The following SLC7A6OS variants were observed in gnomAD, a reference collection of about 807,000 sequenced individuals.
The protein encoded by SLC7A6OS is solute carrier family 7 member 6 opposite strand, also known as probable RNA polymerase II nuclear localization protein SLC7A6OS.
A neutral mutation model predicts 34.3 loss-of-function variants in SLC7A6OS; 22 were observed. That is an observed-to-expected ratio of 0.64 (90% CI 0.46 to 0.92). The LOEUF (loss-of-function observed/expected upper bound fraction) is 0.92. SLC7A6OS is among the 40% of genes least tolerant of loss of function. SLC7A6OS has a pLI of 0.00. For synonymous variants in SLC7A6OS, 199 were observed against 165.0 expected (o/e 1.21, Z -1.58); for missense variants, 434 against 407.7 (o/e 1.06, Z -0.56).
chr16:68,301,601 C>T (rs1164065720), intron 4 of SLC7A6OS, 196 bp from the exon 5 acceptor site: 4 of 439,796 alleles, frequency 9.1e-6, no homozygotes, highest in Non-Finnish European at 1.6e-5. Flanking sequence ...CAAGTTCCTT[C>T]ACACTGGAGT....
At position 68,310,668 on chromosome 16, in the gene SLC7A6OS, A is replaced by AGGGATCG. The variant is rs1242255915; in HGVS notation, c.192+60_193-56dup. The AGGGATCG allele has an allele frequency of 9.6e-5, 151 of 1,580,834 alleles. No homozygotes were observed. In the Admixed American group the frequency reaches 2.4e-3, roughly 26 times the overall value. On this transcript the variant is annotated intron_variant, in intron 1 of 4. Coordinates refer to ENST00000263997, the MANE Select transcript of SLC7A6OS (RefSeq NM_032178.3). ...GTAAGCAGGAGTTCGCGAGCGGGTC[A>AGGGATCG]GGGATCGGGTTTCGTACCGGCTGCA...
intron 2 of SLC7A6OS, among the ~76,000 whole-genome samples, chr16:68,308,393 CG>C (rs1254348340): frequency 6.8e-6 from 1 of 146,582 alleles, no homozygotes; most frequent in Non-Finnish European, 1.5e-5. Flanking sequence ...TTTGGGAGGC[CG>C]ATGCGGGTGG....
At chr16:68,310,125 C>A (rs1277539929) in intron 2 of SLC7A6OS, among the ~76,000 whole-genome samples, 1 of 152,092 alleles carries the variant, frequency 6.6e-6, no homozygotes, top group Non-Finnish European at 1.5e-5. Context: ...TAGGTCCTCA[C>A]TGCTGTATCC....
Position 68,299,424 on chromosome 16 carries a change from C to CCT in SLC7A6OS, c.*1849_*1850dup, listed in dbSNP as rs572957881. 2 of 152,574 alleles carry CCT rather than the reference C, an allele frequency of 1.3e-5. No homozygotes were observed. The highest frequency in any genetic ancestry group is 6.5e-5 in the Admixed American group (1 of 15,272). 9.5% of individuals were successfully genotyped at this position (152,574 alleles called of 1,614,324 possible). A position where few individuals can be genotyped will look rare whatever the true frequency, so the allele number is the denominator to read the frequency against. On this transcript the variant is annotated 3_prime_UTR_variant, in exon 5 of 5. Transcript: ENST00000263997. The stretch of plus-strand genomic sequence containing the variant: ...TTTTGGATGGTGACAGCATTTTTCC[C>CCT]CTCTGTGCTGGATACAGACTTCTCC...
intron 4 of SLC7A6OS, 72 bp from the exon 5 acceptor site, chr16:68,301,477 CAGAA>C (rs2043274591): frequency 1.4e-6 from 2 of 1,397,108 alleles, no homozygotes; most frequent in Admixed American, 1.9e-5. Context: ...CTTCTCTTCT[CAGAA>C]AGGTCTGTTT....
rs2043453065 is a variant in SLC7A6OS, at chr16:68,310,390, A to G, written c.416T>C (p.Leu139Ser). 6.2e-7 allele frequency: 1 copy of G among 1,612,464 alleles called. No homozygotes were observed. Among genetic ancestry groups the G allele is most frequent in the African/African-American group, 1.3e-5 (1 of 74,914 alleles). ...TTCTCCCTCCTCGTGGACAAGGTCT[A>G]ACAACTGAAAGCCCGAGTTCCCGGC... Reference protein sequence around the residue: ...EAAGNSGFQLLDLVHEEGEPE... With the variant: ...EAAGNSGFQLSDLVHEEGEPE... Residue 139 changes from leucine (L) to serine (S), a missense_variant, in exon 2 of 5, where the codon TTA (leucine) becomes TCA (serine). Leu to Ser is a moderately radical substitution (Grantham distance 145). Transcript: ENST00000263997.
At position 68,304,303 on chromosome 16, in the gene SLC7A6OS, G is replaced by A. The variant is rs914520186; in HGVS notation, c.472-71C>T. 2.8e-6 allele frequency: 4 copies of A among 1,409,918 alleles called. No homozygotes were observed. In the African/African-American group the frequency reaches 5.7e-5, roughly 20 times the overall value. The allele number at this position is 1,409,918 out of a possible 1,614,324, so 87.3% of individuals were successfully genotyped here. On this transcript the variant is annotated intron_variant, in intron 2 of 4. Transcript: ENST00000263997. The stretch of plus-strand genomic sequence containing the variant: ...TGATGTTCCAAGAGGAGGAACCTAT[G>A]AGTTGGGTGAAGGAAGGCTCCCTAC...
At chr16:68,303,201 T>C (rs1597021175) in intron 3 of SLC7A6OS, among the ~76,000 whole-genome samples, 2 of 148,836 alleles carry the variant, frequency 1.3e-5, no homozygotes, top group Non-Finnish European at 1.5e-5. Flanking sequence ...GAGGCGGAGG[T>C]TGCAATGAGC....
chr16:68,309,843 C>T (rs928411556), intron 2 of SLC7A6OS, among the ~76,000 whole-genome samples: 1 of 152,172 alleles, frequency 6.6e-6, no homozygotes, highest in Non-Finnish European at 1.5e-5. Flanking sequence ...TTACTGCTCT[C>T]CTCTAGCTCA....
chr16:68,302,707 T>C (rs988843812), intron 3 of SLC7A6OS, among the ~76,000 whole-genome samples: 2 of 152,098 alleles, frequency 1.3e-5, no homozygotes, highest in African/African-American at 4.8e-5. Flanking sequence ...TCCACAATGA[T>C]AGGACATGCT....
intron 4 of SLC7A6OS, chr16:68,301,621 C>T (rs538200882): frequency 2.6e-6 from 1 of 389,904 alleles, no homozygotes; most frequent in African/African-American, 2.1e-5. Flanking sequence ...TATTTTGTCA[C>T]TTCTCCCCTC....
At chr16:68,302,208 G>C in intron 4 of SLC7A6OS, 173 bp downstream of exon 4, 2 of 677,842 alleles carry the variant, frequency 3.0e-6, no homozygotes, top group Non-Finnish European at 5.1e-6. Flanking sequence ...ACACCCCCAG[G>C]AGGCCCCTGG....
intron 4 of SLC7A6OS, chr16:68,302,103 A>C (rs138007145): frequency 1.9e-5 from 8 of 410,920 alleles, no homozygotes; most frequent in African/African-American, 1.2e-4. Flanking sequence ...TCTCATTTGG[A>C]GAGAAAATGA....
At chr16:68,309,541 T>A (rs1275370919) in intron 2 of SLC7A6OS, among the ~76,000 whole-genome samples, 1 of 152,146 alleles carries the variant, frequency 6.6e-6, no homozygotes, top group East Asian at 1.9e-4. Flanking sequence ...CAAGGAGAAT[T>A]TTCCATTTCT....
chr16:68,310,317 C>T lies in SLC7A6OS; in HGVS notation c.471+18G>A, dbSNP rs2043446428. The T allele has an allele frequency of 5.1e-6, 8 of 1,577,546 alleles. No homozygotes were observed. The highest frequency in any genetic ancestry group is 6.0e-6 in the Non-Finnish European group (7 of 1,157,588). On this transcript the variant is annotated intron_variant, in intron 2 of 4. Coordinates refer to ENST00000263997, the MANE Select transcript of SLC7A6OS (RefSeq NM_032178.3). ...CCATCCTGAGAAGCCCAGCGACCAC[C>T]TTCAGGGGCATACTCACTTTGCAGG...
At chr16:68,301,440 G>C (rs776327889) in intron 4 of SLC7A6OS, 35 bp from the exon 5 acceptor site, 2 of 1,598,258 alleles carry the variant, frequency 1.3e-6, no homozygotes, top group Non-Finnish European at 1.7e-6. Context: ...TTCTAAATGT[G>C]ATTTTCCTAG....
At chr16:68,303,552 C>T (rs557986358) in intron 3 of SLC7A6OS, 3 of 158,462 alleles carry the variant, frequency 1.9e-5, no homozygotes, top group African/African-American at 7.3e-5. Flanking sequence ...CACTGCACTC[C>T]AGCCTGGGTG....
At position 68,304,011 on chromosome 16, in the gene SLC7A6OS, C is replaced by G. The variant is rs372147827; in HGVS notation, c.678+15G>C. ...TAGGATGCCTCATGCCCCGTCTGCT[C>G]ATGGGCCCCCTTACCAGCTCCCATT... On this transcript the variant is annotated intron_variant, in intron 3 of 4. Transcript: ENST00000263997. The G allele has an allele frequency of 4.2e-5, 67 of 1,611,502 alleles. No homozygotes were observed. In the African/African-American group the frequency reaches 8.4e-4, roughly 20 times the overall value.
chr16:68,307,502 T>C (rs952736958), intron 2 of SLC7A6OS, among the ~76,000 whole-genome samples: 1 of 152,240 alleles, frequency 6.6e-6, no homozygotes, highest in African/African-American at 2.4e-5. Context: ...TAACATAACA[T>C]AGAAATGCTG....
Sources: gnomAD v4.1 joint callset for allele counts (sites outside exome capture counted in the v4.1 genomes callset) on GRCh38, gnomAD v4.1.1 for gene constraint, MANE v1.5 for transcripts, NCBI Gene and HGNC (gene_info 2026-07-23, HGNC 2026-07-21) for gene names.